ZNF385B: variants seen among roughly 807,000 people sequenced by gnomAD.
ZNF385B encodes zinc finger protein 533.
A neutral mutation model predicts 39.2 loss-of-function variants in ZNF385B; 23 were observed. That is an observed-to-expected ratio of 0.59 (90% CI 0.42 to 0.83). The LOEUF (loss-of-function observed/expected upper bound fraction) is 0.83. Among genes scored for constraint, ZNF385B ranks in the 40% least tolerant of loss-of-function variants. The pLI, the probability that ZNF385B is intolerant of heterozygous loss-of-function variation, is 0.00. For synonymous variants in ZNF385B, 205 were observed against 222.6 expected (o/e 0.92, Z 0.70); for missense variants, 552 against 598.9 (o/e 0.92, Z 0.82).
chr2:179,744,527 T>C (rs1559153662), intron 3 of ZNF385B, among the ~76,000 whole-genome samples: 2 of 152,104 alleles, frequency 1.3e-5, no homozygotes. Context: ...CCGAGACAGA[T>C]TGGTGAACAC....
chr2:179,498,817 A>G (rs2056490752), intron 5 of ZNF385B, among the ~76,000 whole-genome samples: 1 of 151,882 alleles, frequency 6.6e-6, no homozygotes. Flanking sequence ...GTAGAAAAAA[A>G]GAATAGAGTA....
Position 179,723,137 on chromosome 2 carries a change from A to G in ZNF385B, c.298+46366T>C, listed in dbSNP as rs141973166. On this transcript the variant is annotated intron_variant, in intron 3 of 9. Coordinates refer to ENST00000410066, the MANE Select transcript of ZNF385B (RefSeq NM_152520.6). The stretch of plus-strand genomic sequence containing the variant: ...TGTAAACTGATACTATAACTTAGGG[A>G]AATACTTTGGCATTCATTCATTCAC... 6.2e-3 allele frequency among the ~76,000 whole-genome samples: 949 copies of G among 152,310 alleles called. 6 individuals are homozygous for G. Among genetic ancestry groups the G allele is most frequent in the Middle Eastern group, 0.014 (4 of 294 alleles).
chr2:179,696,335 T>TTTTTTTTTTTTTTTC (rs1575260744), intron 3 of ZNF385B, among the ~76,000 whole-genome samples: 1 of 128,176 alleles, frequency 7.8e-6, no homozygotes, highest in Non-Finnish European at 1.7e-5. Context: ...ACTTTTTTTT[T>TTTTTTTTTTTTTTTC]TTTTTTTTTT....
At chr2:179,747,873 C>A (rs1419166372) in intron 3 of ZNF385B, among the ~76,000 whole-genome samples, 1 of 152,104 alleles carries the variant, frequency 6.6e-6, no homozygotes, top group Non-Finnish European at 1.5e-5. Flanking sequence ...CATTCTATAG[C>A]AAAACCTGTG....
intron 1 of ZNF385B, among the ~76,000 whole-genome samples, chr2:179,850,865 T>C (rs2105440660): frequency 6.6e-6 from 1 of 152,312 alleles, no homozygotes; most frequent in Non-Finnish European, 1.5e-5. Context: ...CTGCAGACTC[T>C]TAAAAATCCA....
In ZNF385B at chr2:179,576,134, C is replaced by T. The variant is rs1004052027; in HGVS notation, c.299-31165G>A. 2.9e-5 allele frequency: 29 copies of T among 985,236 alleles called. No homozygotes were observed. The South Asian group carries it at 3.3e-4, about 11-fold the overall frequency. The allele number at this position is 985,236 out of a possible 1,614,324, so 61.0% of individuals were successfully genotyped here. A position where few individuals can be genotyped will look rare whatever the true frequency, so the allele number is the denominator to read the frequency against. On this transcript the variant is annotated intron_variant, in intron 3 of 9. Coordinates refer to ENST00000410066, the MANE Select transcript of ZNF385B (RefSeq NM_152520.6). ...GTCTTACATGTGTAACCCTCCAAAA[C>T]GTCTCAAATCCATCCCTGTGACTGA...
At chr2:179,651,711 A>G (rs1310998514) in intron 3 of ZNF385B, among the ~76,000 whole-genome samples, 1 of 152,078 alleles carries the variant, frequency 6.6e-6, no homozygotes, top group Non-Finnish European at 1.5e-5. Flanking sequence ...TGGATCTGTA[A>G]GTGGATGAGG....
At chr2:179,779,139 C>T (rs976433357) in intron 1 of ZNF385B, among the ~76,000 whole-genome samples, 4 of 152,086 alleles carry the variant, frequency 2.6e-5, no homozygotes, top group African/African-American at 9.7e-5. Context: ...CAGCTATAAC[C>T]AGTATTCTAA....
chr2:179,510,616 G>T (rs779378629), intron 5 of ZNF385B, among the ~76,000 whole-genome samples: 15 of 151,964 alleles, frequency 9.9e-5, no homozygotes, highest in African/African-American at 3.4e-4. Context: ...CCCTCTAAAG[G>T]CCTTTTTAAG....
intron 6 of ZNF385B, among the ~76,000 whole-genome samples, chr2:179,453,918 C>A (rs897320782): frequency 2.6e-5 from 4 of 152,152 alleles, no homozygotes; most frequent in Non-Finnish European, 5.9e-5. Context: ...CAGAGGACAA[C>A]CATAATTGTC....
chr2:179,732,438 A>C (rs545107224), intron 3 of ZNF385B, among the ~76,000 whole-genome samples: 2 of 152,332 alleles, frequency 1.3e-5, no homozygotes, highest in South Asian at 4.1e-4. Flanking sequence ...TGAAATGCAA[A>C]GAAGAACATA....
intron 1 of ZNF385B, among the ~76,000 whole-genome samples, chr2:179,790,940 T>C (rs1705288717): frequency 6.6e-6 from 1 of 152,210 alleles, no homozygotes; most frequent in African/African-American, 2.4e-5. Flanking sequence ...ATCAGCTGCA[T>C]TTTATTGCCT....
Position 179,450,356 on chromosome 2 carries a change from G to A in ZNF385B, c.716-3586C>T, listed in dbSNP as rs2049981527. ...GAAAATATTTGCAACCTACTCATCT[G>A]ACAAAGGGCTAATATCCAGAATCTA... On this transcript the variant is annotated intron_variant, in intron 6 of 9. Coordinates refer to ENST00000410066, the MANE Select transcript of ZNF385B (RefSeq NM_152520.6). Among the ~76,000 whole-genome samples, 4 of 152,144 alleles carry A rather than the reference G, an allele frequency of 2.6e-5. No individual in the cohort carries two copies. In the South Asian group the frequency reaches 8.3e-4, roughly 31 times the overall value.
intron 1 of ZNF385B, among the ~76,000 whole-genome samples, chr2:179,837,741 T>C (rs146877680): frequency 4.7e-4 from 72 of 152,340 alleles, no homozygotes; most frequent in African/African-American, 1.7e-3. Flanking sequence ...ATTATCTTAC[T>C]TAGACACAAC....
chr2:179,813,829 A>C (rs1706886992), intron 1 of ZNF385B, among the ~76,000 whole-genome samples: 1 of 152,206 alleles, frequency 6.6e-6, no homozygotes, highest in East Asian at 1.9e-4. Flanking sequence ...AAGAGTCATA[A>C]AACAGTATAC....
intron 4 of ZNF385B, among the ~76,000 whole-genome samples, chr2:179,535,893 C>T (rs937313423): frequency 6.6e-6 from 1 of 152,126 alleles, no homozygotes; most frequent in African/African-American, 2.4e-5. Flanking sequence ...TCTCTCCAAC[C>T]CCCAAGGGAT....
intron 6 of ZNF385B, among the ~76,000 whole-genome samples, chr2:179,481,383 T>C (rs569526040): frequency 1.9e-4 from 27 of 140,174 alleles, no homozygotes; most frequent in Non-Finnish European, 3.8e-4. Flanking sequence ...TCCTCATCTT[T>C]GACTTTTTTT....
chr2:179,443,385 C>T lies in ZNF385B; in HGVS notation c.1326G>A (p.Val442=), dbSNP rs1574144045. 1 of 1,611,304 alleles carries T rather than the reference C, an allele frequency of 6.2e-7. No individual in the cohort carries two copies. The highest frequency in any genetic ancestry group is 8.5e-7 in the Non-Finnish European group (1 of 1,179,142). ...GGGGTGGGAGTGACAGCGCTGAGGA[C>T]ACGGCTGCCGCCGCTGCGAGAGGTG... The part of the protein sequence containing the change: ...LSSPLAAAAA[V]SSALSLPPRP... Residue 442 remains valine, a synonymous_variant, in exon 10 of 10, where the codon GTG becomes GTA. Transcript: ENST00000410066.
At chr2:179,822,291 T>C (rs535768362) in intron 1 of ZNF385B, among the ~76,000 whole-genome samples, 3 of 152,350 alleles carry the variant, frequency 2.0e-5, no homozygotes, top group Non-Finnish European at 4.4e-5. Context: ...GTTTCTTAAA[T>C]TAGCAGAGCT....
Sources: gnomAD v4.1 joint callset for allele counts (sites outside exome capture counted in the v4.1 genomes callset) on GRCh38, gnomAD v4.1.1 for gene constraint, MANE v1.5 for transcripts, NCBI Gene and HGNC (gene_info 2026-07-23, HGNC 2026-07-21) for gene names.